ZFHX3: variants seen among roughly 807,000 people sequenced by gnomAD.
ZFHX3 encodes zinc finger homeobox 3, also known as zinc finger homeobox protein 3.
In ZFHX3, 42 loss-of-function variants were observed where a neutral mutation model predicts 279.1. That is an observed-to-expected ratio of 0.15 (90% confidence interval 0.12 to 0.19). The LOEUF is 0.19. Ranked by LOEUF, ZFHX3 falls within the 10% of genes least tolerant of loss-of-function variation. ZFHX3 has a pLI of 1.00. For synonymous variants in ZFHX3, 2,293 were observed against 1,957.8 expected (o/e 1.17, Z -4.52); for missense variants, 4,981 against 4,754.0 (o/e 1.05, Z -1.40).
chr16:73,173,680 A>G (rs575287220), intron 5 of ZFHX3, among the ~76,000 whole-genome samples: 1 of 152,114 alleles, frequency 6.6e-6, no homozygotes, highest in African/African-American at 2.4e-5. Context: ...AGAGCATCCC[A>G]TGTGGCTACT....
chr16:72,876,959 C>A (rs903509701), intron 4 of ZFHX3, among the ~76,000 whole-genome samples: 2 of 152,118 alleles, frequency 1.3e-5, no homozygotes, highest in African/African-American at 4.8e-5. Context: ...GGGGGTGATT[C>A]CAAAATAGTT....
rs1555501447 is a variant in ZFHX3 at position 73,784,796 on chromosome 16, A to AAT, written c.-1607-104558_-1607-104557dup. On this transcript the variant is annotated intron_variant, in intron 1 of 17. Coordinates refer to the ZFHX3 transcript ENST00000641206. Reference sequence around the variant, plus strand: ...CTATTTTTAACAAAATAAAAAAAAAAATATATATATATATATATATACACA... The same window carrying AAT: ...CTATTTTTAACAAAATAAAAAAAAAAATATATATATATATATATATATACACA... Among the ~76,000 whole-genome samples, 1,045 of 131,086 alleles carry AAT rather than the reference A, an allele frequency of 8.0e-3. 6 individuals are homozygous for AAT. The highest frequency in any genetic ancestry group is 0.01 in the South Asian group (42 of 4,018). The allele number at this position is 131,086 out of a possible 152,430, so 86.0% of individuals were successfully genotyped here. A position where few individuals can be genotyped will look rare whatever the true frequency, so the allele number is the denominator to read the frequency against.
intron 1 of ZFHX3, among the ~76,000 whole-genome samples, chr16:72,989,435 T>C (rs575220173): frequency 1.1e-4 from 17 of 151,664 alleles, no homozygotes; most frequent in African/African-American, 3.6e-4. Context: ...TGGGCCAAGA[T>C]TGTGTCACTG....
At chr16:72,963,036 G>C (rs1961658633) in intron 1 of ZFHX3, among the ~76,000 whole-genome samples, 1 of 152,164 alleles carries the variant, frequency 6.6e-6, no homozygotes. Flanking sequence ...CTTACTTAAG[G>C]AGGCAGAAGT....
chr16:72,898,799 T>C (rs1023549937), intron 3 of ZFHX3, among the ~76,000 whole-genome samples: 4 of 149,886 alleles, frequency 2.7e-5, no homozygotes, highest in Non-Finnish European at 5.9e-5. Context: ...GTAAATGCTA[T>C]GCATGCATAT....
At chr16:73,545,674 C>G (rs1321621829) in intron 2 of ZFHX3, among the ~76,000 whole-genome samples, 1 of 151,848 alleles carries the variant, frequency 6.6e-6, no homozygotes, top group Non-Finnish European at 1.5e-5. Context: ...TTATAACATT[C>G]TATTTATCAA....
rs1363705492 is a variant in ZFHX3 at position 73,873,210 on chromosome 16, T to C, written c.-1608+18441A>G. Among the ~76,000 whole-genome samples, 95 of 68,314 alleles carry C rather than the reference T, an allele frequency of 1.4e-3. 2 individuals carry two copies. The highest frequency in any genetic ancestry group is 5.9e-3 in the African/African-American group (91 of 15,348). 44.8% of individuals were successfully genotyped at this position (68,314 alleles called of 152,430 possible). The stretch of plus-strand genomic sequence containing the variant: ...GTGGATGGTGGGTGGTGGTGGGTGG[T>C]AGTGGGTGGTGGGTGGTGGTGGGTG... On this transcript the variant is annotated intron_variant, in intron 1 of 17. Coordinates refer to the ZFHX3 transcript ENST00000641206.
chr16:73,281,012 A>AAGGAGAGGAG (rs771122415), intron 4 of ZFHX3, among the ~76,000 whole-genome samples: 37,099 of 92,400 alleles, frequency 0.4, 9,629 homozygotes, highest in East Asian at 0.75. Context: ...AATGAAGGGA[A>AAGGAGAGGAG]AGGAGAGGAG....
chr16:72,904,322 C>T (rs1314420102), intron 3 of ZFHX3, among the ~76,000 whole-genome samples: 2 of 151,522 alleles, frequency 1.3e-5, no homozygotes. Context: ...GCCGAGATCA[C>T]AACCCACTGC....
intron 1 of ZFHX3, among the ~76,000 whole-genome samples, chr16:73,854,129 A>G (rs982639458): frequency 2.0e-5 from 3 of 152,230 alleles, no homozygotes; most frequent in African/African-American, 7.2e-5. Flanking sequence ...TCCATTGACA[A>G]ACCACAAACA....
chr16:73,865,433 G>C (rs1034327828), intron 1 of ZFHX3, among the ~76,000 whole-genome samples: 3 of 152,160 alleles, frequency 2.0e-5, no homozygotes, highest in Non-Finnish European at 4.4e-5. Context: ...CCTCCCTGAA[G>C]CCTGCACGCC....
chr16:73,131,123 G>T, intron 6 of ZFHX3: 2 of 525,638 alleles, frequency 3.8e-6, no homozygotes, highest in South Asian at 1.6e-5. Flanking sequence ...AATAGGACTT[G>T]TTTTCTAGGG....
intron 2 of ZFHX3, among the ~76,000 whole-genome samples, chr16:73,637,391 C>T (rs560115722): frequency 3.9e-4 from 59 of 151,916 alleles, no homozygotes; most frequent in African/African-American, 1.4e-3. Flanking sequence ...GCCACCATGC[C>T]CAGCTAATTT....
At chr16:73,179,052 T>G (rs926581112) in intron 5 of ZFHX3, among the ~76,000 whole-genome samples, 3 of 152,206 alleles carry the variant, frequency 2.0e-5, no homozygotes, top group African/African-American at 7.2e-5. Flanking sequence ...ATTAGTGTTT[T>G]TGGCAGCCGT....
At chr16:73,671,404 G>C (rs1431806412) in intron 2 of ZFHX3, among the ~76,000 whole-genome samples, 1 of 152,158 alleles carries the variant, frequency 6.6e-6, no homozygotes, top group East Asian at 1.9e-4. Flanking sequence ...GATGAGCAGA[G>C]AAACACAGGC....
chr16:73,188,055 G>A (rs1190907974), intron 5 of ZFHX3, among the ~76,000 whole-genome samples: 2 of 152,106 alleles, frequency 1.3e-5, no homozygotes, highest in Non-Finnish European at 1.5e-5. Context: ...TGGAGACGGG[G>A]TTTCACTCTG....
rs367869652 is a variant in ZFHX3 at position 73,278,640 on chromosome 16, G to A, written c.-1193-21504C>T. On this transcript the variant is annotated intron_variant, in intron 4 of 17. Transcript: ENST00000641206. ...CCTTATCTGTCCCCACCCACGTTCC[G>A]TTTTTGTCCTATCAGAGTGCTCTTT... is the stretch of plus-strand genomic sequence containing the variant. Among the ~76,000 whole-genome samples, 59 of 152,332 alleles carry A rather than the reference G, an allele frequency of 3.9e-4. No individual in the cohort carries two copies. In the South Asian group the frequency reaches 0.011, roughly 29 times the overall value.
intron 1 of ZFHX3, among the ~76,000 whole-genome samples, chr16:72,982,992 C>T (rs1962676885): frequency 1.3e-5 from 2 of 152,226 alleles, no homozygotes; most frequent in East Asian, 1.9e-4. Flanking sequence ...GATTTGGGCC[C>T]CAGGATTACT....
chr16:73,021,852 A>T (rs1049794149), intron 1 of ZFHX3, among the ~76,000 whole-genome samples: 1 of 140,242 alleles, frequency 7.1e-6, no homozygotes, highest in African/African-American at 2.7e-5. Flanking sequence ...AAAAAAAAAA[A>T]ATCAATGACT....
Sources: gnomAD v4.1 joint callset for allele counts (sites outside exome capture counted in the v4.1 genomes callset) on GRCh38, gnomAD v4.1.1 for gene constraint, MANE v1.5 for transcripts, NCBI Gene and HGNC (gene_info 2026-07-23, HGNC 2026-07-21) for gene names.